GAB4: variants seen among roughly 807,000 people sequenced by gnomAD.
The protein encoded by GAB4 is GRB2 associated binding protein family member 4.
A neutral mutation model predicts 51.3 loss-of-function variants in GAB4; 26 were observed. The observed-to-expected ratio is 0.51, with a 90% CI of 0.37 to 0.70. The LOEUF is 0.70. Among genes scored for constraint, GAB4 ranks in the 30% least tolerant of loss-of-function variants. The pLI is 0.00. For missense variants in GAB4, 759 were observed against 734.6 expected (o/e 1.03, Z -0.38); for synonymous variants, 329 against 291.2 (o/e 1.13, Z -1.32).
At position 16,988,084 on chromosome 22, in the gene GAB4, G is replaced by A. The variant is rs1032243450; in HGVS notation, c.562C>T (p.Gln188Ter). The part of the protein sequence containing the change: ...EPSCSHQHLP[Q>*]EQEPTSEPPV... ...GGCTCAGATGTGGGTTCTTGTTCTT[G>A]GGGGAGGTGCTGATGGGAGCAGCTG... Residue 188 changes from glutamine (Q) to a stop codon, truncating the protein, a stop_gained, in exon 3 of 10, where the codon CAA (glutamine) becomes TAA (stop). Transcript: ENST00000400588. LOFTEE classifies it high-confidence loss of function. The A allele has an allele frequency of 3.1e-6, 5 of 1,608,766 alleles. No homozygotes were observed. The highest frequency in any genetic ancestry group is 3.4e-5 in the Admixed American group (2 of 59,344).
intron 3 of GAB4, among the ~76,000 whole-genome samples, chr22:16,972,954 A>T (rs11705441): frequency 0.16 from 24,977 of 151,990 alleles, 2,379 homozygotes; most frequent in East Asian, 0.41. Flanking sequence ...CCCACCTAGG[A>T]TCCACTCAAA....
At chr22:16,993,363 A>T (rs569104058) in intron 1 of GAB4, among the ~76,000 whole-genome samples, 1 of 152,168 alleles carries the variant, frequency 6.6e-6, no homozygotes, top group South Asian at 2.1e-4. Context: ...AACTCGAACC[A>T]CTTGCTATAC....
At chr22:16,996,258 A>G (rs904986999) in intron 1 of GAB4, among the ~76,000 whole-genome samples, 56 of 147,844 alleles carry the variant, frequency 3.8e-4, no homozygotes, top group African/African-American at 1.3e-3. Context: ...AAGATTAGAG[A>G]AAAAAAAACT....
At chr22:16,974,055 G>A (rs5748773) in intron 3 of GAB4, among the ~76,000 whole-genome samples, 24,883 of 152,022 alleles carry the variant, frequency 0.16, 2,347 homozygotes, top group East Asian at 0.41. Context: ...GGAGCACTGT[G>A]CCAACAACAC....
At chr22:16,987,729 T>A (rs1015218568) in intron 3 of GAB4, among the ~76,000 whole-genome samples, 2 of 152,242 alleles carry the variant, frequency 1.3e-5, no homozygotes, top group African/African-American at 4.8e-5. Context: ...ATGGTTTTTT[T>A]ATAATGGTAG....
At chr22:17,006,773 G>A (rs184797744) in intron 1 of GAB4, among the ~76,000 whole-genome samples, 135 of 152,148 alleles carry the variant, frequency 8.9e-4, no homozygotes, top group Non-Finnish European at 1.6e-3. Context: ...ACCAAACACC[G>A]CCATGTTCTC....
At chr22:16,967,740 G>A (rs1201943325) in intron 5 of GAB4, among the ~76,000 whole-genome samples, 1 of 152,200 alleles carries the variant, frequency 6.6e-6, no homozygotes, top group Non-Finnish European at 1.5e-5. Context: ...TTTGTAAGAA[G>A]CCTGACGCCA....
At chr22:17,002,037 C>T (rs2061001742) in intron 1 of GAB4, among the ~76,000 whole-genome samples, 1 of 152,104 alleles carries the variant, frequency 6.6e-6, no homozygotes, top group African/African-American at 2.4e-5. Context: ...GTGGGAGTGT[C>T]CCGATTTTCC....
rs570180604 is a variant in GAB4 at position 16,972,103 on chromosome 22, G to A, written c.687-1910C>T. On this transcript the variant is annotated intron_variant, in intron 3 of 9. Coordinates refer to ENST00000400588, the MANE Select transcript of GAB4 (RefSeq NM_001037814.1). ...AGCTCTCTGGTGGATATGCCACCTG[G>A]ATTTGCTCCTGTGATGTTTGCTCAC... Among the ~76,000 whole-genome samples the A allele has an allele frequency of 2.0e-5, 3 of 152,360 alleles. No individual in the cohort carries two copies. The South Asian group carries it at 6.2e-4, about 32-fold the overall frequency.
chr22:17,005,756 C>T (rs2061035385), intron 1 of GAB4, among the ~76,000 whole-genome samples: 1 of 152,172 alleles, frequency 6.6e-6, no homozygotes, highest in South Asian at 2.1e-4. Flanking sequence ...GGAAAGGATT[C>T]CCTATTTAAT....
In GAB4 at chr22:16,962,728, C is replaced by A; in HGVS notation, c.*5G>T. ...CTGGCCCCACTCTGGTTTTGGTGGC[C>A]CGAGTCACAGCTTGGCGCCCCTGGG... On this transcript the variant is annotated 3_prime_UTR_variant, in exon 10 of 10. Transcript: ENST00000400588. 2 of 1,608,240 alleles carry A rather than the reference C, an allele frequency of 1.2e-6. No individual in the cohort carries two copies.
intron 3 of GAB4, among the ~76,000 whole-genome samples, chr22:16,984,603 A>G (rs138177214): frequency 6.6e-6 from 1 of 152,222 alleles, no homozygotes; most frequent in East Asian, 1.9e-4. Context: ...GGTTGCCATA[A>G]TCCTTGGGAG....
chr22:16,963,017 G>A, intron 9 of GAB4, 141 bp from the exon 10 acceptor site: 1 of 723,388 alleles, frequency 1.4e-6, no homozygotes, highest in South Asian at 1.9e-5. Flanking sequence ...TGGGGGGCCT[G>A]GGCTTTAAAG....
intron 8 of GAB4, among the ~76,000 whole-genome samples, chr22:16,964,508 T>C (rs1240256277): frequency 2.0e-5 from 3 of 152,178 alleles, no homozygotes; most frequent in Admixed American, 6.5e-5. Flanking sequence ...GGGCACCACC[T>C]GTATCACCGT....
intron 1 of GAB4, 67 bp downstream of exon 1, chr22:17,007,874 C>G: frequency 1.4e-6 from 2 of 1,437,338 alleles, no homozygotes; most frequent in Non-Finnish European, 9.3e-7. Context: ...CCGCCTCCCC[C>G]ACGCCCCTCC....
At chr22:16,999,664 A>T (rs1170157356) in intron 1 of GAB4, among the ~76,000 whole-genome samples, 49 of 151,124 alleles carry the variant, frequency 3.2e-4, no homozygotes, top group Non-Finnish European at 1.5e-5. Flanking sequence ...GATCTTAGTC[A>T]TTTCTTGCCT....
At position 16,970,205 on chromosome 22, in the gene GAB4, A is replaced by G. The variant is rs2060719175; in HGVS notation, c.687-12T>C. On this transcript the variant is annotated splice_polypyrimidine_tract_variant and intron_variant, in intron 3 of 9. Transcript: ENST00000400588. ...AGAAGCTGGCACTCCTAAGAGAGAGAAAGAAGGGAAGGGGCAGGGGTGAGA... is the reference window on the plus strand; with the variant it reads ...AGAAGCTGGCACTCCTAAGAGAGAGGAAGAAGGGAAGGGGCAGGGGTGAGA... The G allele has an allele frequency of 1.9e-6, 3 of 1,613,470 alleles. No homozygotes were observed. The East Asian group carries it at 6.7e-5, about 36-fold the overall frequency.
At chr22:16,979,950 T>A (rs954744569) in intron 3 of GAB4, among the ~76,000 whole-genome samples, 27 of 152,260 alleles carry the variant, frequency 1.8e-4, no homozygotes, top group Admixed American at 7.2e-4. Context: ...GAAAACTGGG[T>A]AGCCATATGC....
chr22:17,006,708 G>T (rs553804716), intron 1 of GAB4, among the ~76,000 whole-genome samples: 1 of 152,268 alleles, frequency 6.6e-6, no homozygotes, highest in Non-Finnish European at 1.5e-5. Flanking sequence ...TCTTTACAGG[G>T]ACATGGATGA....
Sources: gnomAD v4.1 joint callset for allele counts (sites outside exome capture counted in the v4.1 genomes callset) on GRCh38, gnomAD v4.1.1 for gene constraint, MANE v1.5 for transcripts, NCBI Gene and HGNC (gene_info 2026-07-23, HGNC 2026-07-21) for gene names.